CCSER1: variants seen among roughly 807,000 people sequenced by gnomAD.
CCSER1 encodes the protein serine-rich coiled-coil domain-containing protein 1.
Under a neutral mutation model 82.0 loss-of-function variants are expected in CCSER1, and 41 were observed. That is an observed-to-expected ratio of 0.50 (90% CI 0.39 to 0.65). CCSER1 has a LOEUF of 0.65. CCSER1 is among the 30% of genes least tolerant of loss of function. The pLI, the probability that CCSER1 is intolerant of heterozygous loss-of-function variation, is 0.00. For synonymous variants in CCSER1, 414 were observed against 383.9 expected (o/e 1.08, Z -0.92); for missense variants, 1,119 against 1,064.2 (o/e 1.05, Z -0.72).
intron 9 of CCSER1, among the ~76,000 whole-genome samples, chr4:91,049,302 C>T (rs1742794812): frequency 6.6e-6 from 1 of 152,086 alleles, no homozygotes; most frequent in Non-Finnish European, 1.5e-5. Context: ...CTAGTTGTAT[C>T]AGTTCAATGC....
At chr4:90,380,470 A>C (rs908593946) in intron 3 of CCSER1, among the ~76,000 whole-genome samples, 13 of 152,114 alleles carry the variant, frequency 8.5e-5, no homozygotes, top group Non-Finnish European at 1.9e-4. Context: ...ATACTTTTCC[A>C]TTCACTTTTG....
chr4:91,442,069 G>A (rs1029171936), intron 10 of CCSER1, among the ~76,000 whole-genome samples: 2 of 152,000 alleles, frequency 1.3e-5, no homozygotes, highest in Non-Finnish European at 2.9e-5. Flanking sequence ...TAGATTCAAT[G>A]CCATCCCCAT....
At chr4:90,958,132 T>C (rs35825817) in intron 9 of CCSER1, among the ~76,000 whole-genome samples, 10,571 of 152,218 alleles carry the variant, frequency 0.069, 502 homozygotes, top group East Asian at 0.18. Flanking sequence ...TCAAGTTTTA[T>C]TTAATGTTTA....
chr4:90,393,546 T>C (rs1751505304), intron 3 of CCSER1, among the ~76,000 whole-genome samples: 1 of 152,052 alleles, frequency 6.6e-6, no homozygotes, highest in Admixed American at 6.6e-5. Flanking sequence ...AAATATAAAA[T>C]AAAAAACCAC....
At chr4:90,990,419 T>C (rs968020834) in intron 9 of CCSER1, among the ~76,000 whole-genome samples, 3 of 152,010 alleles carry the variant, frequency 2.0e-5, no homozygotes, top group Non-Finnish European at 2.9e-5. Flanking sequence ...TAGACACTTA[T>C]CTTCCTTGAT....
At chr4:90,299,140 C>T (rs1287854101) in intron 1 of CCSER1, among the ~76,000 whole-genome samples, 1 of 152,078 alleles carries the variant, frequency 6.6e-6, no homozygotes, top group Non-Finnish European at 1.5e-5. Context: ...CATCTGCTTT[C>T]CTAAATCCTG....
At chr4:90,315,719 G>A (rs1479718920) in intron 3 of CCSER1, among the ~76,000 whole-genome samples, 3 of 152,122 alleles carry the variant, frequency 2.0e-5, no homozygotes, top group African/African-American at 4.8e-5. Flanking sequence ...GGCCTGATTG[G>A]TCTTGAACAC....
intron 10 of CCSER1, among the ~76,000 whole-genome samples, chr4:91,552,515 GCTT>G (rs1395351273): frequency 6.6e-6 from 1 of 151,602 alleles, no homozygotes; most frequent in Non-Finnish European, 1.5e-5. Context: ...TGGGTGGTAT[GCTT>G]CTTTATATTT....
chr4:91,451,909 T>A (rs1436829205), intron 10 of CCSER1, among the ~76,000 whole-genome samples: 4 of 152,044 alleles, frequency 2.6e-5, no homozygotes, highest in African/African-American at 9.7e-5. Flanking sequence ...CTGATTAGCC[T>A]GGGTTGAGCT....
chr4:90,362,502 G>A (rs1354697114), intron 3 of CCSER1, among the ~76,000 whole-genome samples: 1 of 152,136 alleles, frequency 6.6e-6, no homozygotes, highest in Non-Finnish European at 1.5e-5. Context: ...CCAAAGGCTA[G>A]GTGTAATTGA....
intron 1 of CCSER1, among the ~76,000 whole-genome samples, chr4:90,185,927 G>GCAGGT (rs1245111021): frequency 6.6e-6 from 1 of 151,850 alleles, no homozygotes; most frequent in Non-Finnish European, 1.5e-5. Flanking sequence ...TTTTTTGATG[G>GCAGGT]CAGGTGTTCA....
intron 10 of CCSER1, among the ~76,000 whole-genome samples, chr4:91,338,438 TGAA>T (rs1227531538): frequency 1.3e-5 from 2 of 152,078 alleles, no homozygotes; most frequent in Non-Finnish European, 2.9e-5. Context: ...CTGTAATTCT[TGAA>T]GAATCAAAGA....
intron 7 of CCSER1, among the ~76,000 whole-genome samples, chr4:90,746,566 G>T (rs945917224): frequency 2.0e-5 from 3 of 152,142 alleles, no homozygotes; most frequent in African/African-American, 7.2e-5. Flanking sequence ...CTCTAACTTG[G>T]TGTAGGGAAT....
intron 1 of CCSER1, among the ~76,000 whole-genome samples, chr4:90,149,468 GC>G (rs1726407571): frequency 6.6e-6 from 1 of 152,128 alleles, no homozygotes; most frequent in African/African-American, 2.4e-5. Flanking sequence ...TGGAGGTAGT[GC>G]CATTAATCCA....
intron 5 of CCSER1, among the ~76,000 whole-genome samples, chr4:90,558,928 G>C (rs1366657586): frequency 6.6e-6 from 1 of 152,144 alleles, no homozygotes; most frequent in East Asian, 1.9e-4. Context: ...ATGGCCAATT[G>C]AATTATCTTT....
intron 10 of CCSER1, among the ~76,000 whole-genome samples, chr4:91,464,087 T>G (rs1445142975): frequency 6.6e-6 from 1 of 152,166 alleles, no homozygotes; most frequent in Admixed American, 6.5e-5. Flanking sequence ...GGAAAAAATG[T>G]TAAGGGCAGC....
intron 10 of CCSER1, among the ~76,000 whole-genome samples, chr4:91,303,439 T>C (rs1369783329): frequency 1.3e-5 from 2 of 151,994 alleles, no homozygotes; most frequent in Non-Finnish European, 2.9e-5. Flanking sequence ...CTAAATAAAT[T>C]ATGAACTTTA....
intron 10 of CCSER1, among the ~76,000 whole-genome samples, chr4:91,327,149 GGGGCTCGAACCCCACA>G (rs1352727445): frequency 1.6e-4 from 25 of 152,206 alleles, no homozygotes; most frequent in Non-Finnish European, 3.2e-4. Flanking sequence ...ACTCTATGTG[GGGGCTCGAACCCCACA>G]TTTCCCCTCT....
At chr4:90,348,172 T>C (rs1426118448) in intron 3 of CCSER1, among the ~76,000 whole-genome samples, 1 of 151,906 alleles carries the variant, frequency 6.6e-6, no homozygotes, top group African/African-American at 2.4e-5. Flanking sequence ...GGGTACTAGG[T>C]GAAATACCTG....
Sources: gnomAD v4.1 joint callset for allele counts (sites outside exome capture counted in the v4.1 genomes callset) on GRCh38, gnomAD v4.1.1 for gene constraint, MANE v1.5 for transcripts, NCBI Gene and HGNC (gene_info 2026-07-23, HGNC 2026-07-21) for gene names.